The following ANKS1B variants were observed in gnomAD, a reference collection of about 807,000 sequenced individuals.
ANKS1B encodes ankyrin repeat and sterile alpha motif domain-containing protein 1B.
A neutral mutation model predicts 148.3 loss-of-function variants in ANKS1B; 36 were observed. The observed-to-expected ratio is 0.24, with a 90% confidence interval of 0.19 to 0.32. ANKS1B has a LOEUF of 0.32. Ranked by LOEUF, ANKS1B falls within the 10% of genes least tolerant of loss-of-function variation. ANKS1B has a pLI of 1.00. For synonymous variants in ANKS1B, 542 were observed against 560.8 expected (o/e 0.97, Z 0.47); for missense variants, 1,157 against 1,542.6 (o/e 0.75, Z 4.19).
chr12:99,286,415 C>G (rs1347378647), intron 12 of ANKS1B, among the ~76,000 whole-genome samples: 2 of 152,022 alleles, frequency 1.3e-5, no homozygotes, highest in African/African-American at 4.8e-5. Context: ...CCAGGCAGTA[C>G]TTGTCATAGG....
chr12:99,677,663 T>C lies in ANKS1B; in HGVS notation c.1129-22453A>G, dbSNP rs544357012. 3.3e-5 allele frequency among the ~76,000 whole-genome samples: 5 copies of C among 152,318 alleles called. No homozygotes were observed. In the East Asian group the frequency reaches 9.6e-4, roughly 29 times the overall value. On this transcript the variant is annotated intron_variant, in intron 8 of 26. Transcript: ENST00000683438. ...GTAATTCTGAATAAATTCTCCATTT[T>C]TTAAGAAGGATACACCAAAGAAATA...
chr12:98,949,675 G>C (rs945789436), intron 17 of ANKS1B: 2 of 152,222 alleles, frequency 1.3e-5, no homozygotes, highest in African/African-American at 4.8e-5. Flanking sequence ...CTTCACATCA[G>C]AAGCATCAAT....
chr12:99,311,101 G>A (rs2083091281), intron 12 of ANKS1B, among the ~76,000 whole-genome samples: 1 of 152,124 alleles, frequency 6.6e-6, no homozygotes, highest in Non-Finnish European at 1.5e-5. Context: ...TGTCATTCTT[G>A]TATTAGAAAA....
intron 16 of ANKS1B, among the ~76,000 whole-genome samples, chr12:99,056,176 C>T (rs2040147664): frequency 6.6e-6 from 1 of 152,102 alleles, no homozygotes; most frequent in Non-Finnish European, 1.5e-5. Context: ...TGGTAGAGAA[C>T]AAAACAGTCA....
intron 26 of ANKS1B, among the ~76,000 whole-genome samples, chr12:98,749,027 A>C (rs2097989266): frequency 6.6e-6 from 1 of 152,158 alleles, no homozygotes; most frequent in African/African-American, 2.4e-5. Flanking sequence ...TCATCCACAG[A>C]TATTCACTGA....
chr12:99,256,165 G>A (rs1055641305), intron 12 of ANKS1B, among the ~76,000 whole-genome samples: 6 of 151,232 alleles, frequency 4.0e-5, no homozygotes, highest in South Asian at 2.1e-4. Context: ...CAGGAGAATC[G>A]CTTGAACCAG....
chr12:99,002,671 C>A (rs914652295), intron 17 of ANKS1B, among the ~76,000 whole-genome samples: 1 of 151,916 alleles, frequency 6.6e-6, no homozygotes, highest in Non-Finnish European at 1.5e-5. Context: ...TCTTGAGCCC[C>A]GATTTAATTA....
chr12:99,672,455 C>G (rs1020253255), intron 8 of ANKS1B, among the ~76,000 whole-genome samples: 1 of 152,128 alleles, frequency 6.6e-6, no homozygotes, highest in Non-Finnish European at 1.5e-5. Flanking sequence ...GCCACTAAAT[C>G]TGTCAGTTAC....
chr12:99,868,363 A>G lies in ANKS1B; in HGVS notation c.135-42974T>C, dbSNP rs1178394786. Reference sequence around the variant, plus strand: ...TATATTATACTTCAACAATAAAAAAACCTATAGCAGTCATACTTAATTATG... The same window carrying G: ...TATATTATACTTCAACAATAAAAAAGCCTATAGCAGTCATACTTAATTATG... On this transcript the variant is annotated intron_variant, in intron 1 of 26. Coordinates refer to ENST00000683438, the MANE Select transcript of ANKS1B (RefSeq NM_001352186.2). Among the ~76,000 whole-genome samples, 10 of 152,304 alleles carry G rather than the reference A, an allele frequency of 6.6e-5. No individual in the cohort carries two copies. The South Asian group carries it at 2.1e-3, about 32-fold the overall frequency.
intron 12 of ANKS1B, among the ~76,000 whole-genome samples, chr12:99,301,736 A>G (rs955447160): frequency 6.6e-6 from 1 of 152,190 alleles, no homozygotes; most frequent in African/African-American, 2.4e-5. Context: ...GAAAAACATA[A>G]CCATAAAATC....
At chr12:98,880,354 TG>T (rs1268382832) in intron 17 of ANKS1B, among the ~76,000 whole-genome samples, 1 of 152,198 alleles carries the variant, frequency 6.6e-6, no homozygotes, top group African/African-American at 2.4e-5. Flanking sequence ...ATAAGAGTGC[TG>T]ATAAAAAGGA....
At chr12:98,778,363 CTACT>C (rs2098701540) in intron 24 of ANKS1B, among the ~76,000 whole-genome samples, 1 of 152,186 alleles carries the variant, frequency 6.6e-6, no homozygotes, top group African/African-American at 2.4e-5. Context: ...GTAATCCCAG[CTACT>C]CGGGAGGCTG....
intron 9 of ANKS1B, among the ~76,000 whole-genome samples, chr12:99,599,234 T>C: frequency 6.6e-6 from 1 of 152,082 alleles, no homozygotes; most frequent in East Asian, 1.9e-4. Flanking sequence ...TACATCTGAT[T>C]TCTTTGGGGG....
intron 20 of ANKS1B, among the ~76,000 whole-genome samples, chr12:98,805,364 A>T (rs2099042784): frequency 6.6e-6 from 1 of 151,854 alleles, no homozygotes. Context: ...AATGTACATC[A>T]TTAGCTCTCT....
At chr12:98,892,204 T>C (rs11109654) in intron 17 of ANKS1B, among the ~76,000 whole-genome samples, 4 of 152,196 alleles carry the variant, frequency 2.6e-5, no homozygotes, top group African/African-American at 9.7e-5. Flanking sequence ...CTATAAACAC[T>C]GTCAATGCCA....
intron 25 of ANKS1B, among the ~76,000 whole-genome samples, chr12:98,772,083 A>G (rs555259061): frequency 2.0e-4 from 30 of 152,326 alleles, no homozygotes; most frequent in African/African-American, 4.1e-4. Flanking sequence ...TGGCATTCTA[A>G]GTTGAATGGA....
chr12:99,632,445 C>A (rs1182258366), intron 9 of ANKS1B, among the ~76,000 whole-genome samples: 4 of 151,748 alleles, frequency 2.6e-5, no homozygotes, highest in African/African-American at 9.7e-5. Context: ...CCTAGTGGAG[C>A]CATAGGAGCA....
chr12:98,961,768 T>A (rs1337051394), intron 17 of ANKS1B, among the ~76,000 whole-genome samples: 1 of 145,702 alleles, frequency 6.9e-6, no homozygotes, highest in African/African-American at 2.8e-5. Context: ...GAAGTTAAAG[T>A]GTACAGTTTT....
intron 16 of ANKS1B, among the ~76,000 whole-genome samples, chr12:99,075,114 G>T (rs2047426201): frequency 6.6e-6 from 1 of 152,166 alleles, no homozygotes; most frequent in South Asian, 2.1e-4. Context: ...GGCACAGAAT[G>T]ACTAGATTCT....
Sources: gnomAD v4.1 joint callset for allele counts (sites outside exome capture counted in the v4.1 genomes callset) on GRCh38, gnomAD v4.1.1 for gene constraint, MANE v1.5 for transcripts, NCBI Gene and HGNC (gene_info 2026-07-23, HGNC 2026-07-21) for gene names.